APLF: variants seen among roughly 807,000 people sequenced by gnomAD.
APLF encodes the protein aprataxin and PNK-like factor.
Under a neutral mutation model 55.6 loss-of-function variants are expected in APLF, and 61 were observed. The ratio of observed to expected loss-of-function variants is 1.10; its 90% CI spans 0.89 to 1.36. The LOEUF (loss-of-function observed/expected upper bound fraction) is 1.36. APLF is among the 40% of genes most tolerant of loss of function. The probability of loss-of-function intolerance (pLI) is 0.00; values close to 1 mark genes in which losing one functional copy is unlikely to be tolerated. For synonymous variants in APLF, 207 were observed against 214.8 expected (o/e 0.96, Z 0.32); for missense variants, 611 against 602.5 (o/e 1.01, Z -0.15).
rs1437523174 is a variant in APLF at position 68,518,800 on chromosome 2, T to C, written c.622+5120T>C. Reference sequence around the variant, plus strand: ...TCATTATATAATAAAATATTAATAATCTATCATATAATAAAATATTAGTAA... The same window carrying C: ...TCATTATATAATAAAATATTAATAACCTATCATATAATAAAATATTAGTAA... On this transcript the variant is annotated intron_variant, in intron 5 of 9. Transcript: ENST00000303795. Among the ~76,000 whole-genome samples, 8 of 17,914 alleles carry C rather than the reference T, an allele frequency of 4.5e-4. No individual in the cohort carries two copies. In the East Asian group the frequency reaches 0.045, roughly 102 times the overall value. 11.8% of individuals were successfully genotyped at this position (17,914 alleles called of 152,430 possible).
At chr2:68,550,071 T>C (rs1345575912) in intron 8 of APLF, among the ~76,000 whole-genome samples, 1 of 152,108 alleles carries the variant, frequency 6.6e-6, no homozygotes, top group East Asian at 1.9e-4. Context: ...CTACCCAAGG[T>C]TATGTGGTTA....
At chr2:68,505,127 A>G (rs1225200782) in intron 3 of APLF, among the ~76,000 whole-genome samples, 2 of 152,058 alleles carry the variant, frequency 1.3e-5, no homozygotes, top group Non-Finnish European at 2.9e-5. Context: ...TAGTTAAATG[A>G]AATTCATTAA....
chr2:68,497,572 C>G (rs1676589444), intron 2 of APLF, among the ~76,000 whole-genome samples: 1 of 151,526 alleles, frequency 6.6e-6, no homozygotes, highest in Non-Finnish European at 1.5e-5. Context: ...AACTGTGGGT[C>G]AATTAAACCT....
At chr2:68,512,981 G>C in intron 3 of APLF, 99 bp from the exon 4 acceptor site, 1 of 1,149,978 alleles carries the variant, frequency 8.7e-7, no homozygotes, top group Non-Finnish European at 1.2e-6. Flanking sequence ...TTTTGGTTTT[G>C]CTAAGTCTGA....
intron 2 of APLF, among the ~76,000 whole-genome samples, chr2:68,500,987 T>C (rs1676702178): frequency 1.3e-5 from 2 of 152,200 alleles, no homozygotes; most frequent in Non-Finnish European, 1.5e-5. Flanking sequence ...TAACTTGAAT[T>C]TAAAAATCAA....
At chr2:68,472,038 A>G (rs1675632653) in intron 1 of APLF, among the ~76,000 whole-genome samples, 1 of 152,212 alleles carries the variant, frequency 6.6e-6, no homozygotes, top group Non-Finnish European at 1.5e-5. Context: ...GCTATAGGTA[A>G]ATTTAAACAT....
chr2:68,559,861 A>G (rs1290185568), intron 8 of APLF, among the ~76,000 whole-genome samples: 3 of 152,264 alleles, frequency 2.0e-5, no homozygotes, highest in African/African-American at 7.2e-5. Flanking sequence ...CTTCTTACTC[A>G]TAACTTTCCA....
chr2:68,572,213 T>A (rs142137264), intron 9 of APLF, among the ~76,000 whole-genome samples: 73 of 152,144 alleles, frequency 4.8e-4, no homozygotes, highest in Non-Finnish European at 8.5e-4. Context: ...TAAAAAGAAA[T>A]GAACTTTATA....
At chr2:68,526,701 C>T (rs1221547591) in intron 6 of APLF, among the ~76,000 whole-genome samples, 3 of 152,180 alleles carry the variant, frequency 2.0e-5, no homozygotes, top group Admixed American at 1.3e-4. Context: ...ACTACAACAT[C>T]GTTTCAGGAC....
At chr2:68,541,177 A>C (rs1338444584) in intron 7 of APLF, among the ~76,000 whole-genome samples, 1 of 152,180 alleles carries the variant, frequency 6.6e-6, no homozygotes, top group Non-Finnish European at 1.5e-5. Flanking sequence ...AAAACATATA[A>C]AGTACAGGTA....
chr2:68,490,328 G>T, intron 2 of APLF, 67 bp downstream of exon 2: 1 of 1,360,078 alleles, frequency 7.4e-7, no homozygotes, highest in Admixed American at 2.0e-5. Context: ...AAGCAGAGGT[G>T]CCTATTTTCT....
chr2:68,468,190 C>T (rs1675493397), intron 1 of APLF, among the ~76,000 whole-genome samples: 1 of 152,086 alleles, frequency 6.6e-6, no homozygotes, highest in Non-Finnish European at 1.5e-5. Flanking sequence ...ATAGTTGCTC[C>T]AAGGGTTGAG....
chr2:68,517,978 A>G (rs1174999070), intron 5 of APLF, among the ~76,000 whole-genome samples: 3 of 136,952 alleles, frequency 2.2e-5, no homozygotes, highest in Non-Finnish European at 4.6e-5. Flanking sequence ...TATAACAGTA[A>G]TATATCACTA....
At chr2:68,535,366 T>C in intron 6 of APLF, 1 of 393,390 alleles carries the variant, frequency 2.5e-6, no homozygotes, top group Non-Finnish European at 5.1e-6. Flanking sequence ...TCGACCTCAT[T>C]GCGTTACTAA....
rs1010014178 is a variant in APLF, at chr2:68,578,973, G to A, written c.*951G>A. ...CTAAAACTACTTTAAGCCCTATAAT[G>A]CTCTTCATATTACGTGACTTTGAAT... On this transcript the variant is annotated 3_prime_UTR_variant, in exon 10 of 10. Coordinates refer to ENST00000303795, the MANE Select transcript of APLF (RefSeq NM_173545.3). The A allele has an allele frequency of 1.0e-6, 1 of 984,422 alleles. No homozygotes were observed. Among genetic ancestry groups the A allele is most frequent in the African/African-American group, 1.7e-5 (1 of 57,274 alleles). 61.0% of individuals were successfully genotyped at this position (984,422 alleles called of 1,614,324 possible). A position where few individuals can be genotyped will look rare whatever the true frequency, so the allele number is the denominator to read the frequency against.
At chr2:68,542,341 C>A (rs553511604) in intron 7 of APLF, among the ~76,000 whole-genome samples, 6 of 151,988 alleles carry the variant, frequency 3.9e-5, no homozygotes, top group Non-Finnish European at 8.8e-5. Context: ...CATGAAAGAA[C>A]AAAATTAACA....
At chr2:68,545,598 C>T (rs887298474) in intron 8 of APLF, among the ~76,000 whole-genome samples, 7 of 152,198 alleles carry the variant, frequency 4.6e-5, no homozygotes, top group African/African-American at 1.7e-4. Flanking sequence ...CCAATATACA[C>T]TTAATTCACT....
intron 2 of APLF, among the ~76,000 whole-genome samples, chr2:68,498,978 A>G (rs1676639306): frequency 1.3e-5 from 2 of 152,042 alleles, no homozygotes; most frequent in South Asian, 2.1e-4. Context: ...TATCTGGAAA[A>G]TCCTATAATA....
At chr2:68,528,973 G>T in intron 6 of APLF, 2 of 1,525,582 alleles carry the variant, frequency 1.3e-6, no homozygotes, top group Admixed American at 2.0e-5. Flanking sequence ...TCTGTACCTG[G>T]TCTTTCACCT....
Sources: allele counts gnomAD v4.1 joint callset (sites outside exome capture counted in the v4.1 genomes callset), GRCh38; gene constraint gnomAD v4.1.1; transcripts MANE v1.5; gene names NCBI Gene and HGNC (gene_info 2026-07-23, HGNC 2026-07-21).